Variants in SH3BGRL2 observed in about 807,000 individuals in gnomAD.
The protein encoded by SH3BGRL2 is SH3 domain-binding glutamic acid-rich-like protein 2.
SH3BGRL2 carries 21 observed loss-of-function variants against 14.8 expected under a neutral mutation model. The ratio of observed to expected loss-of-function variants is 1.42; its 90% CI spans 1.01 to 2.05. The LOEUF (loss-of-function observed/expected upper bound fraction) is 2.05. Ranked by LOEUF, SH3BGRL2 falls within the 30% of genes most tolerant of loss-of-function variation. SH3BGRL2 has a pLI of 0.00. For synonymous variants in SH3BGRL2, 50 were observed against 47.8 expected (o/e 1.05, Z -0.19); for missense variants, 147 against 130.8 (o/e 1.12, Z -0.61).
chr6:79,699,602 C>T lies in SH3BGRL2; in HGVS notation c.*93C>T. The T allele has an allele frequency of 1.8e-5, 26 of 1,405,944 alleles. No homozygotes were observed. The highest frequency in any genetic ancestry group is 2.2e-5 in the Non-Finnish European group (23 of 1,066,916). 87.1% of individuals were successfully genotyped at this position (1,405,944 alleles called of 1,614,324 possible). A position where few individuals can be genotyped will look rare whatever the true frequency, so the allele number is the denominator to read the frequency against. On this transcript the variant is annotated 3_prime_UTR_variant, in exon 4 of 4. Transcript: ENST00000369838. ...ACCTAATGCATCACTGTGACAAAAGCCACACGCATTATCAGTAACTTTGCT... is the reference window on the plus strand; with the variant it reads ...ACCTAATGCATCACTGTGACAAAAGTCACACGCATTATCAGTAACTTTGCT...
chr6:79,589,679 G>A, the SH3BGRL2 span, among the ~76,000 whole-genome samples: 6 of 152,156 alleles, frequency 3.9e-5, no homozygotes, highest in Non-Finnish European at 7.3e-5. Flanking sequence ...ATATTGTTTA[G>A]TGCTTCCATA....
chr6:79,564,263 A>G, the SH3BGRL2 span, among the ~76,000 whole-genome samples: 1 of 152,350 alleles, frequency 6.6e-6, no homozygotes, highest in Non-Finnish European at 1.5e-5. Context: ...GTGTAATAAA[A>G]TAAATCAGCT....
chr6:79,613,142 C>T, the SH3BGRL2 span, among the ~76,000 whole-genome samples: 1 of 152,198 alleles, frequency 6.6e-6, no homozygotes, highest in African/African-American at 2.4e-5. Context: ...AAGCAACATT[C>T]TGTTTAGATC....
Position 79,702,118 on chromosome 6 carries a change from T to A in SH3BGRL2, c.*2609T>A, listed in dbSNP as rs1770470172. The A allele has an allele frequency of 6.6e-6, 1 of 152,608 alleles. No homozygotes were observed. Among genetic ancestry groups the A allele is most frequent in the African/African-American group, 2.4e-5 (1 of 41,452 alleles). 9.5% of individuals were successfully genotyped at this position (152,608 alleles called of 1,614,324 possible). On this transcript the variant is annotated 3_prime_UTR_variant, in exon 4 of 4. Coordinates refer to ENST00000369838, the MANE Select transcript of SH3BGRL2 (RefSeq NM_031469.4). The stretch of plus-strand genomic sequence containing the variant: ...TACTTGTTTTTCCAAATTCCGGTGT[T>A]TTATTACAATCAAAGAAGAGGAAAG...
At chr6:79,577,510 G>A in the SH3BGRL2 span, among the ~76,000 whole-genome samples, 17 of 151,962 alleles carry the variant, frequency 1.1e-4, no homozygotes, top group Non-Finnish European at 1.9e-4. Flanking sequence ...AATTTCCAAG[G>A]AAATCAAAGT....
the SH3BGRL2 span, among the ~76,000 whole-genome samples, chr6:79,564,401 A>G: frequency 1.9e-5 from 1 of 52,986 alleles, no homozygotes; most frequent in Non-Finnish European, 3.8e-5. Flanking sequence ...AAAATTCAAT[A>G]GCAGTTTGTG....
chr6:79,554,980 A>G, the SH3BGRL2 span, among the ~76,000 whole-genome samples: 1 of 152,118 alleles, frequency 6.6e-6, no homozygotes, highest in Non-Finnish European at 1.5e-5. Context: ...TAGATAATGT[A>G]AAATAAAAGA....
At chr6:79,612,717 A>G in the SH3BGRL2 span, among the ~76,000 whole-genome samples, 1 of 152,184 alleles carries the variant, frequency 6.6e-6, no homozygotes, top group Non-Finnish European at 1.5e-5. Flanking sequence ...CCATTTCCTG[A>G]GCTCACATCA....
the SH3BGRL2 span, among the ~76,000 whole-genome samples, chr6:79,579,678 C>A: frequency 6.6e-6 from 1 of 152,162 alleles, no homozygotes; most frequent in Admixed American, 6.6e-5. Context: ...ACAACCAGTA[C>A]CAGCCACTGC....
At chr6:79,695,633 A>G (rs1407745662) in intron 2 of SH3BGRL2, among the ~76,000 whole-genome samples, 2 of 152,160 alleles carry the variant, frequency 1.3e-5, no homozygotes, top group African/African-American at 4.8e-5. Context: ...TGAACAACAT[A>G]TTTCTTTGCC....
chr6:79,587,217 A>G, the SH3BGRL2 span, among the ~76,000 whole-genome samples: 1 of 152,242 alleles, frequency 6.6e-6, no homozygotes, highest in Non-Finnish European at 1.5e-5. Flanking sequence ...ATATTTTTCC[A>G]AAACTTGGAG....
the SH3BGRL2 span, among the ~76,000 whole-genome samples, chr6:79,587,539 G>C: frequency 1.3e-5 from 2 of 152,154 alleles, no homozygotes; most frequent in Non-Finnish European, 2.9e-5. Context: ...CAACAAAGTA[G>C]AACAATTTAC....
the SH3BGRL2 span, among the ~76,000 whole-genome samples, chr6:79,609,201 T>G: frequency 2.0e-5 from 3 of 152,200 alleles, no homozygotes; most frequent in African/African-American, 7.2e-5. Flanking sequence ...AGGTATGTAT[T>G]TGAGGCTGGT....
chr6:79,577,864 C>T, the SH3BGRL2 span, among the ~76,000 whole-genome samples: 1 of 152,316 alleles, frequency 6.6e-6, no homozygotes, highest in East Asian at 1.9e-4. Flanking sequence ...TTTCCCTTTC[C>T]TAGCCAAGGG....
At chr6:79,655,099 C>T (rs141803674) in intron 1 of SH3BGRL2, among the ~76,000 whole-genome samples, 1 of 152,132 alleles carries the variant, frequency 6.6e-6, no homozygotes, top group East Asian at 1.9e-4. Context: ...CTCACTTTAG[C>T]ACCCAGTCTA....
chr6:79,699,359 A>G (rs914672491), intron 3 of SH3BGRL2, 139 bp from the exon 4 acceptor site: 77 of 998,028 alleles, frequency 7.7e-5, no homozygotes, highest in African/African-American at 9.9e-5. Flanking sequence ...TCTCTTATCA[A>G]TCACATGGAG....
intron 1 of SH3BGRL2, among the ~76,000 whole-genome samples, chr6:79,661,792 T>G (rs1769554092): frequency 6.6e-6 from 1 of 152,184 alleles, no homozygotes; most frequent in African/African-American, 2.4e-5. Context: ...CTCTAAGGAC[T>G]TGCTTTATGA....
the SH3BGRL2 span, chr6:79,560,997 C>G: frequency 1.3e-5 from 2 of 149,990 alleles, no homozygotes; most frequent in African/African-American, 2.4e-5. Flanking sequence ...TCTCCTGCCT[C>G]AGCCTCCCAA....
At chr6:79,556,896 T>G in the SH3BGRL2 span, among the ~76,000 whole-genome samples, 1 of 151,968 alleles carries the variant, frequency 6.6e-6, no homozygotes, top group Non-Finnish European at 1.5e-5. Context: ...ACATTAACTG[T>G]CTTTGGATAA....
Sources: gnomAD v4.1 joint callset for allele counts (sites outside exome capture counted in the v4.1 genomes callset) on GRCh38, gnomAD v4.1.1 for gene constraint, MANE v1.5 for transcripts, NCBI Gene and HGNC (gene_info 2026-07-23, HGNC 2026-07-21) for gene names.